TBCD: variants seen among roughly 807,000 people sequenced by gnomAD.
TBCD encodes the protein tubulin-specific chaperone D.
Under a neutral mutation model 169.3 loss-of-function variants are expected in TBCD, and 105 were observed. The ratio of observed to expected loss-of-function variants is 0.62; its 90% CI spans 0.53 to 0.73. TBCD has a LOEUF of 0.73. TBCD is among the 30% of genes least tolerant of loss of function. TBCD has a pLI of 0.00. For synonymous variants in TBCD, 700 were observed against 643.9 expected (o/e 1.09, Z -1.32); for missense variants, 1,444 against 1,600.1 (o/e 0.90, Z 1.66).
intron 6 of TBCD, among the ~76,000 whole-genome samples, chr17:82,777,167 AGTC>A (rs1347971929): frequency 6.6e-6 from 1 of 152,126 alleles, no homozygotes; most frequent in East Asian, 1.9e-4. Context: ...TTTAACAAGT[AGTC>A]ATTTATATTT....
intron 9 of TBCD, 128 bp from the exon 10 acceptor site, chr17:82,805,747 G>A: frequency 1.8e-6 from 2 of 1,122,910 alleles, no homozygotes; most frequent in African/African-American, 1.5e-5. Flanking sequence ...TTCTTATCCG[G>A]TCTCTGCAAA....
chr17:82,808,783 G>T (rs1283117280), intron 11 of TBCD, among the ~76,000 whole-genome samples: 1 of 151,134 alleles, frequency 6.6e-6, no homozygotes, highest in Non-Finnish European at 1.5e-5. Context: ...GACGAGGCAG[G>T]TGGAGGGGCT....
At position 82,942,565 on chromosome 17, in the gene TBCD, T is replaced by G; in HGVS notation, c.*102T>G. On this transcript the variant is annotated 3_prime_UTR_variant, in exon 39 of 39. Coordinates refer to ENST00000355528, the MANE Select transcript of TBCD (RefSeq NM_005993.5). Reference sequence around the variant, plus strand: ...CTCGCACAGTGGTGCCTCCAGCTGTTGAAGGGTAGCGCTGGCCCTTGGAGG... The same window carrying G: ...CTCGCACAGTGGTGCCTCCAGCTGTGGAAGGGTAGCGCTGGCCCTTGGAGG... 4 of 1,538,786 alleles carry G rather than the reference T, an allele frequency of 2.6e-6. No individual in the cohort carries two copies. Among genetic ancestry groups the G allele is most frequent in the Non-Finnish European group, 3.6e-6 (4 of 1,116,516 alleles).
rs1383382092 is a variant in TBCD at position 82,922,613 on chromosome 17, A to G, written c.2178+1036A>G. Reference sequence around the variant, plus strand: ...TGAATGCATCATGATCAGTGCCTCAAAATTTTATTTCAAAAGTCCATGATT... The same window carrying G: ...TGAATGCATCATGATCAGTGCCTCAGAATTTTATTTCAAAAGTCCATGATT... On this transcript the variant is annotated intron_variant, in intron 25 of 38. Coordinates refer to ENST00000355528, the MANE Select transcript of TBCD (RefSeq NM_005993.5). The surrounding 1 kb of genome is among the most constrained non-coding windows in gnomAD (Gnocchi z 4.1). 6.6e-6 allele frequency among the ~76,000 whole-genome samples: 1 copy of G among 152,178 alleles called. No homozygotes were observed. Among genetic ancestry groups the G allele is most frequent in the Non-Finnish European group, 1.5e-5 (1 of 68,028 alleles).
chr17:82,916,018 A>G, intron 23 of TBCD, among the ~76,000 whole-genome samples: 1 of 152,162 alleles, frequency 6.6e-6, no homozygotes, highest in Non-Finnish European at 1.5e-5. Context: ...ACAGGAGTTC[A>G]TTCGGATTTA....
In TBCD at chr17:82,779,000, GTTTATTTA is replaced by G. The variant is rs72200309; in HGVS notation, c.639-2565_639-2558del. On this transcript the variant is annotated intron_variant, in intron 6 of 38. Transcript: ENST00000355528. The stretch of plus-strand genomic sequence containing the variant: ...TTTTGTATTATTTTCTAGAGATGGG[GTTTATTTA>G]TTTATTTATTTATTTATTTATTTTT... 8.1e-5 allele frequency among the ~76,000 whole-genome samples: 12 copies of G among 147,952 alleles called. No individual in the cohort carries two copies. In the South Asian group the frequency reaches 8.7e-4, roughly 11 times the overall value.
intron 7 of TBCD, among the ~76,000 whole-genome samples, chr17:82,796,468 T>C (rs1848534030): frequency 6.6e-6 from 1 of 152,226 alleles, no homozygotes; most frequent in African/African-American, 2.4e-5. Flanking sequence ...TCCATTTCGC[T>C]AAAGAGAAAG....
rs536727299 is a variant in TBCD, at chr17:82,939,541, G to A, written c.3479+65G>A. 318 of 1,275,092 alleles carry A rather than the reference G, an allele frequency of 2.5e-4. 3 individuals carry two copies. In the East Asian group the frequency reaches 6.0e-3, roughly 24 times the overall value. 79.0% of individuals were successfully genotyped at this position (1,275,092 alleles called of 1,614,324 possible). On this transcript the variant is annotated intron_variant, in intron 37 of 38. Transcript: ENST00000355528. ...CACCGCCCCTCTTCCTGTCCCCACCGTGTCTACTCGTCTCTCCCAAAACCC... is the reference window on the plus strand; with the variant it reads ...CACCGCCCCTCTTCCTGTCCCCACCATGTCTACTCGTCTCTCCCAAAACCC...
At chr17:82,804,359 C>T (rs929020000) in intron 9 of TBCD, among the ~76,000 whole-genome samples, 1 of 152,052 alleles carries the variant, frequency 6.6e-6, no homozygotes, top group African/African-American at 2.4e-5. Context: ...GGAATCTTGA[C>T]GTGGCTCAGC....
At position 82,864,530 on chromosome 17, in the gene TBCD, G is replaced by C. The variant is rs1014285790; in HGVS notation, c.1319-5694G>C. ...GGCCTGGCCTGCGTGCCTCACGTGT[G>C]GTGGGGATTTGTGACTGTCCCCAGC... On this transcript the variant is annotated intron_variant, in intron 13 of 38. Coordinates refer to ENST00000355528, the MANE Select transcript of TBCD (RefSeq NM_005993.5). This position sits in a 1 kb window ranked among gnomAD's most constrained non-coding sequence, Gnocchi z 6.3. The C allele has an allele frequency of 5.9e-5, 9 of 152,360 alleles. No homozygotes were observed. The highest frequency in any genetic ancestry group is 1.9e-4 in the African/African-American group (8 of 41,472). 9.4% of individuals were successfully genotyped at this position (152,360 alleles called of 1,614,324 possible).
Position 82,788,377 on chromosome 17 carries a change from C to T in TBCD, c.771+6656C>T, listed in dbSNP as rs77499178. Among the ~76,000 whole-genome samples the T allele has an allele frequency of 7.9e-3, 1,205 of 152,142 alleles. 13 individuals carry two copies. Among genetic ancestry groups the T allele is most frequent in the African/African-American group, 0.028 (1,153 of 41,510 alleles). ...TGGAGTGGGTTTCTCCCTGTGTGTT[C>T]TCACAATGGCTGGGAGGCGGCGGCG... On this transcript the variant is annotated intron_variant, in intron 7 of 38. Coordinates refer to ENST00000355528, the MANE Select transcript of TBCD (RefSeq NM_005993.5).
At chr17:82,912,588 G>A (rs1174355759) in intron 23 of TBCD, among the ~76,000 whole-genome samples, 1 of 151,510 alleles carries the variant, frequency 6.6e-6, no homozygotes, top group Non-Finnish European at 1.5e-5. Flanking sequence ...GTGTGAGTGT[G>A]GAGGCACAGC....
intron 12 of TBCD, among the ~76,000 whole-genome samples, chr17:82,813,076 GT>G (rs66923264): frequency 0.27 from 40,437 of 151,996 alleles, 5,620 homozygotes; most frequent in East Asian, 0.38. Context: ...TCTTGCCTCG[GT>G]TTCCCAAAGT....
intron 12 of TBCD, 84 bp downstream of exon 12, chr17:82,809,866 T>A: frequency 2.3e-6 from 3 of 1,299,208 alleles, no homozygotes; most frequent in Non-Finnish European, 3.2e-6. Flanking sequence ...TCACGCTTGC[T>A]TTTCATTGAG....
At chr17:82,796,154 C>G (rs2050093023) in intron 7 of TBCD, 1 of 152,254 alleles carries the variant, frequency 6.6e-6, no homozygotes, top group Admixed American at 6.5e-5. Context: ...GGCCGTCAGC[C>G]CACCTCCCAG....
chr17:82,869,487 T>G (rs1252571207), intron 13 of TBCD, among the ~76,000 whole-genome samples: 1 of 152,152 alleles, frequency 6.6e-6, no homozygotes, highest in African/African-American at 2.4e-5. Flanking sequence ...GGCACTGCAC[T>G]CCAGCCTGGG....
intron 35 of TBCD, 24 bp downstream of exon 35, chr17:82,937,384 T>G: frequency 6.2e-7 from 1 of 1,608,132 alleles, no homozygotes; most frequent in Non-Finnish European, 8.5e-7. Flanking sequence ...GCTGCTGGCC[T>G]TAGACGGAAT....
At chr17:82,779,689 G>A (rs758059381) in intron 6 of TBCD, among the ~76,000 whole-genome samples, 12 of 152,196 alleles carry the variant, frequency 7.9e-5, no homozygotes, top group Non-Finnish European at 1.5e-4. Context: ...GCCGGCTCTC[G>A]CGCAGGCCAA....
intron 15 of TBCD, among the ~76,000 whole-genome samples, chr17:82,885,598 T>G (rs761453252): frequency 3.9e-5 from 6 of 152,186 alleles, no homozygotes; most frequent in Admixed American, 6.5e-5. Flanking sequence ...AGGCAGTAAA[T>G]GTAAGACTTT....
Sources: allele counts gnomAD v4.1 joint callset (sites outside exome capture counted in the v4.1 genomes callset), GRCh38; gene constraint gnomAD v4.1.1; non-coding constraint Gnocchi (gnomAD v3.1); transcripts MANE v1.5; gene names NCBI Gene and HGNC (gene_info 2026-07-23, HGNC 2026-07-21).